Variants in LRCH1 observed in about 807,000 individuals in gnomAD.
The protein encoded by LRCH1 is leucine-rich repeat and calponin homology domain-containing protein 1.
In LRCH1, 23 loss-of-function variants were observed where a neutral mutation model predicts 94.9. That is an observed-to-expected ratio of 0.24 (90% CI 0.17 to 0.34). The LOEUF (loss-of-function observed/expected upper bound fraction) is 0.34. Among genes scored for constraint, LRCH1 ranks in the 10% least tolerant of loss-of-function variants. LRCH1 has a pLI of 1.00. For synonymous variants in LRCH1, 364 were observed against 354.9 expected, an observed-to-expected ratio of 1.03 and a Z score of -0.29; for missense variants, 790 against 945.9, an observed-to-expected ratio of 0.84 and a Z score of 2.16.
intron 1 of LRCH1, among the ~76,000 whole-genome samples, chr13:46,587,472 A>G (rs1447633269): frequency 6.6e-6 from 1 of 152,268 alleles, no homozygotes; most frequent in African/African-American, 2.4e-5. Flanking sequence ...TGAAAGAAGA[A>G]GGTATCAGAA....
chr13:46,666,171 TA>T (rs1164408791), intron 2 of LRCH1, among the ~76,000 whole-genome samples: 1 of 152,184 alleles, frequency 6.6e-6, no homozygotes, highest in East Asian at 1.9e-4. Context: ...AACTACAGTG[TA>T]AACAAGACAT....
chr13:46,705,710 A>G (rs1414745661), intron 13 of LRCH1: 6 of 344,252 alleles, frequency 1.7e-5, no homozygotes, highest in Non-Finnish European at 3.3e-5. Context: ...AAACACCTGA[A>G]AGACAAGAAC....
intron 1 of LRCH1, among the ~76,000 whole-genome samples, chr13:46,583,616 GTAAC>G (rs1460914421): frequency 5.3e-5 from 8 of 152,202 alleles, no homozygotes; most frequent in African/African-American, 1.7e-4. Flanking sequence ...ACAGTTGAAA[GTAAC>G]TAACCTCTCT....
At chr13:46,662,599 A>G (rs569922347) in intron 2 of LRCH1, among the ~76,000 whole-genome samples, 103 of 152,336 alleles carry the variant, frequency 6.8e-4, no homozygotes, top group African/African-American at 2.4e-3. Context: ...GAACTCTTAG[A>G]AGAAAGGAGA....
chr13:46,749,835 A>C (rs902482395), downstream of LRCH1, among the ~76,000 whole-genome samples: 1 of 152,186 alleles, frequency 6.6e-6, no homozygotes, highest in Non-Finnish European at 1.5e-5. Context: ...TGGAGCATGA[A>C]AGGTTCTGCA....
chr13:46,646,503 A>G (rs2051222940), intron 1 of LRCH1, among the ~76,000 whole-genome samples: 1 of 152,200 alleles, frequency 6.6e-6, no homozygotes, highest in Non-Finnish European at 1.5e-5. Flanking sequence ...TTAAATAATT[A>G]TGTAAATATT....
intron 1 of LRCH1, among the ~76,000 whole-genome samples, chr13:46,586,741 C>T (rs2137953307): frequency 6.6e-6 from 1 of 152,254 alleles, no homozygotes; most frequent in Non-Finnish European, 1.5e-5. Flanking sequence ...TATTGAGTTC[C>T]CTCCCTGGGT....
chr13:46,692,389 A>G (rs1431113056), intron 7 of LRCH1, 147 bp from the exon 8 acceptor site: 7 of 574,516 alleles, frequency 1.2e-5, no homozygotes, highest in South Asian at 2.6e-5. Context: ...TTGAACTTAC[A>G]TAAGTGGAAT....
At chr13:46,739,107 A>G (rs1873529205) in intron 19 of LRCH1, among the ~76,000 whole-genome samples, 1 of 152,240 alleles carries the variant, frequency 6.6e-6, no homozygotes, top group Non-Finnish European at 1.5e-5. Context: ...AAAGTTTTAA[A>G]TAAAACTTCT....
chr13:46,632,212 AAC>A (rs1380034426), intron 1 of LRCH1, among the ~76,000 whole-genome samples: 4 of 152,256 alleles, frequency 2.6e-5, no homozygotes, highest in South Asian at 2.1e-4. Flanking sequence ...AAAAAAAAAA[AAC>A]AAACCTAAAT....
chr13:46,683,340 T>C (rs1052420952), intron 4 of LRCH1, among the ~76,000 whole-genome samples: 1 of 152,258 alleles, frequency 6.6e-6, no homozygotes, highest in African/African-American at 2.4e-5. Context: ...TTTCTCATAC[T>C]GACTAGCATT....
At chr13:46,625,011 C>A (rs1720839255) in intron 1 of LRCH1, among the ~76,000 whole-genome samples, 1 of 152,216 alleles carries the variant, frequency 6.6e-6, no homozygotes, top group Admixed American at 6.5e-5. Context: ...CCTTAACAGT[C>A]TATTCAGCCT....
intron 1 of LRCH1, among the ~76,000 whole-genome samples, chr13:46,554,701 T>C (rs2050043831): frequency 6.6e-6 from 1 of 152,188 alleles, no homozygotes; most frequent in Non-Finnish European, 1.5e-5. Context: ...GGAATAGGAT[T>C]GGGGCCTTAG....
At chr13:46,614,085 C>A (rs555248986) in intron 1 of LRCH1, among the ~76,000 whole-genome samples, 1 of 137,162 alleles carries the variant, frequency 7.3e-6, no homozygotes, top group African/African-American at 2.9e-5. Context: ...TAAATTAACA[C>A]ACCCATCATT....
At chr13:46,601,297 G>T (rs2050625989) in intron 1 of LRCH1, among the ~76,000 whole-genome samples, 1 of 152,242 alleles carries the variant, frequency 6.6e-6, no homozygotes, top group Non-Finnish European at 1.5e-5. Context: ...AGCAAAGCAT[G>T]TATAGAAAGA....
At chr13:46,574,644 T>C (rs1319966267) in intron 1 of LRCH1, among the ~76,000 whole-genome samples, 2 of 152,190 alleles carry the variant, frequency 1.3e-5, no homozygotes, top group Non-Finnish European at 2.9e-5. Flanking sequence ...CATTTCCTTC[T>C]CAATTATTCC....
chr13:46,581,214 T>C (rs1380188137), intron 1 of LRCH1, among the ~76,000 whole-genome samples: 1 of 152,196 alleles, frequency 6.6e-6, no homozygotes, highest in African/African-American at 2.4e-5. Flanking sequence ...TTTCATTGCC[T>C]GGATGAAGCC....
chr13:46,657,428 A>G (rs1182571042), intron 2 of LRCH1, among the ~76,000 whole-genome samples: 2 of 131,402 alleles, frequency 1.5e-5, no homozygotes, highest in Non-Finnish European at 3.2e-5. Flanking sequence ...AAAGGTGTGG[A>G]TTTTGGGGAT....
intron 2 of LRCH1, among the ~76,000 whole-genome samples, chr13:46,658,072 C>A (rs931346113): frequency 3.9e-5 from 6 of 152,128 alleles, no homozygotes; most frequent in South Asian, 2.1e-4. Context: ...CCCCTTAAGA[C>A]AGTTTCATAA....
Sources: allele counts gnomAD v4.1 joint callset (sites outside exome capture counted in the v4.1 genomes callset), GRCh38; gene constraint gnomAD v4.1.1; transcripts MANE v1.5; gene names NCBI Gene and HGNC (gene_info 2026-07-23, HGNC 2026-07-21).